Variants in BBS9 observed in about 807,000 individuals in gnomAD.
BBS9 encodes the protein Bardet-Biedl syndrome 9, also known as protein PTHB1.
In BBS9, 89 loss-of-function variants were observed where a neutral mutation model predicts 117.7. The ratio of observed to expected loss-of-function variants is 0.76; its 90% CI spans 0.64 to 0.90. BBS9 has a LOEUF of 0.90. Among genes scored for constraint, BBS9 ranks in the 40% least tolerant of loss-of-function variants. The pLI is 0.00. For synonymous variants in BBS9, 379 were observed against 370.9 expected (o/e 1.02, Z -0.25); for missense variants, 982 against 1,042.2 (o/e 0.94, Z 0.80).
At chr7:33,627,080 G>A (rs78167227) in intron 21 of BBS9, among the ~76,000 whole-genome samples, 7,236 of 152,310 alleles carry the variant, frequency 0.048, 213 homozygotes, top group South Asian at 0.14. Flanking sequence ...TCATAGGCCC[G>A]GAGGGTTAGG....
chr7:33,170,817 A>G (rs1433347219), intron 4 of BBS9, among the ~76,000 whole-genome samples: 1 of 151,858 alleles, frequency 6.6e-6, no homozygotes, highest in African/African-American at 2.4e-5. Context: ...CAACAGACAA[A>G]CAGAGAGCCA....
intron 19 of BBS9, among the ~76,000 whole-genome samples, chr7:33,416,618 T>A (rs1219604299): frequency 6.6e-6 from 1 of 152,134 alleles, no homozygotes; most frequent in Non-Finnish European, 1.5e-5. Context: ...ACCACTAAGC[T>A]GTGATGCACA....
chr7:33,334,465 G>A (rs1447623311), intron 9 of BBS9, among the ~76,000 whole-genome samples: 1 of 152,126 alleles, frequency 6.6e-6, no homozygotes, highest in Non-Finnish European at 1.5e-5. Flanking sequence ...GGGCTTAGTG[G>A]GGCTAGCTAG....
At chr7:33,386,447 C>T (rs553818160) in intron 18 of BBS9, among the ~76,000 whole-genome samples, 2 of 148,712 alleles carry the variant, frequency 1.3e-5, no homozygotes, top group Non-Finnish European at 3.0e-5. Context: ...CTTTGACTAG[C>T]TTGCTTTCAT....
intron 5 of BBS9, among the ~76,000 whole-genome samples, chr7:33,236,060 G>A (rs1273682437): frequency 6.6e-6 from 1 of 152,008 alleles, no homozygotes; most frequent in Non-Finnish European, 1.5e-5. Flanking sequence ...GGGCATGGTG[G>A]TTCATGCCTG....
At position 33,573,642 on chromosome 7, in the gene BBS9, G is replaced by T. The variant is rs546862675; in HGVS notation, c.2522-31223G>T. On this transcript the variant is annotated intron_variant, in intron 21 of 22. Coordinates refer to ENST00000242067, the MANE Select transcript of BBS9 (RefSeq NM_198428.3). The stretch of plus-strand genomic sequence containing the variant: ...CAGATATATTTTCATTTTATTAAAG[G>T]TATTGATAATTAATTTTAAGACTTC... 1.2e-4 allele frequency among the ~76,000 whole-genome samples: 18 copies of T among 152,182 alleles called. No homozygotes were observed. In the South Asian group the frequency reaches 2.1e-3, roughly 18 times the overall value.
At chr7:33,448,972 A>G (rs1354515683) in intron 19 of BBS9, among the ~76,000 whole-genome samples, 1 of 152,248 alleles carries the variant, frequency 6.6e-6, no homozygotes, top group Non-Finnish European at 1.5e-5. Flanking sequence ...TTTTGCAGTT[A>G]AACTCAAACT....
At chr7:33,336,882 T>C (rs538782208) in intron 10 of BBS9, among the ~76,000 whole-genome samples, 36 of 152,340 alleles carry the variant, frequency 2.4e-4, no homozygotes, top group African/African-American at 7.9e-4. Flanking sequence ...TTTTTTTCTT[T>C]ACATGCTAAG....
chr7:33,313,048 T>TG (rs1035664823), intron 9 of BBS9, among the ~76,000 whole-genome samples: 12 of 151,624 alleles, frequency 7.9e-5, no homozygotes, highest in Non-Finnish European at 1.6e-4. Context: ...TGTGTGTGTG[T>TG]GTGTGTGTGT....
intron 17 of BBS9, among the ~76,000 whole-genome samples, chr7:33,382,681 A>G (rs762445251): frequency 3.9e-5 from 6 of 151,946 alleles, no homozygotes; most frequent in Admixed American, 3.3e-4. Context: ...TAGTAACACT[A>G]TTTCTCTCAT....
intron 5 of BBS9, among the ~76,000 whole-genome samples, chr7:33,203,065 C>T (rs1251728469): frequency 6.6e-6 from 1 of 152,108 alleles, no homozygotes; most frequent in East Asian, 1.9e-4. Context: ...TTCTGGAGCC[C>T]ACCACTAGTG....
intron 9 of BBS9, among the ~76,000 whole-genome samples, chr7:33,288,768 A>G (rs1026945696): frequency 1.3e-5 from 2 of 152,200 alleles, no homozygotes; most frequent in African/African-American, 4.8e-5. Flanking sequence ...TATGATGATA[A>G]TAGCAATTTG....
intron 19 of BBS9, among the ~76,000 whole-genome samples, chr7:33,437,180 C>A (rs954682786): frequency 6.6e-6 from 1 of 152,120 alleles, no homozygotes; most frequent in Non-Finnish European, 1.5e-5. Flanking sequence ...AATTAGAAAC[C>A]ATCTAATTTA....
chr7:33,319,904 C>T (rs993090378), intron 9 of BBS9, among the ~76,000 whole-genome samples: 4 of 151,894 alleles, frequency 2.6e-5, no homozygotes, highest in Admixed American at 1.3e-4. Flanking sequence ...GCCAAGGGCA[C>T]GAATAGACAG....
chr7:33,594,621 A>G (rs1189416069), intron 21 of BBS9, among the ~76,000 whole-genome samples: 2 of 152,122 alleles, frequency 1.3e-5, no homozygotes, highest in East Asian at 3.9e-4. Flanking sequence ...ATGACAACAC[A>G]GTGAAGAGTA....
intron 5 of BBS9, among the ~76,000 whole-genome samples, chr7:33,225,319 T>G (rs1394145873): frequency 6.6e-6 from 1 of 152,140 alleles, no homozygotes; most frequent in Non-Finnish European, 1.5e-5. Flanking sequence ...CGCCTCAGCC[T>G]CCCAAGTAGT....
chr7:33,516,218 C>T (rs572390266), intron 20 of BBS9, among the ~76,000 whole-genome samples: 5 of 152,162 alleles, frequency 3.3e-5, no homozygotes, highest in African/African-American at 4.8e-5. Flanking sequence ...AGGCCGGGCG[C>T]GGTGGCTCAC....
intron 19 of BBS9, among the ~76,000 whole-genome samples, chr7:33,418,267 G>A (rs915645594): frequency 1.3e-5 from 2 of 152,190 alleles, no homozygotes; most frequent in African/African-American, 4.8e-5. Flanking sequence ...TACTTCCGTT[G>A]AGATTTGCAG....
intron 21 of BBS9, among the ~76,000 whole-genome samples, chr7:33,553,928 G>A (rs1854868181): frequency 6.6e-6 from 1 of 152,108 alleles, no homozygotes; most frequent in African/African-American, 2.4e-5. Flanking sequence ...GTTATATTAA[G>A]TACAGTGAAA....
Sources: allele counts gnomAD v4.1 joint callset (sites outside exome capture counted in the v4.1 genomes callset), GRCh38; gene constraint gnomAD v4.1.1; transcripts MANE v1.5; gene names NCBI Gene and HGNC (gene_info 2026-07-23, HGNC 2026-07-21).